LDLRAD3: variants seen among roughly 807,000 people sequenced by gnomAD.
LDLRAD3 encodes the protein low-density lipoprotein receptor class A domain-containing protein 3.
In LDLRAD3, 20 loss-of-function variants were observed where a neutral mutation model predicts 29.4. That is an observed-to-expected ratio of 0.68 (90% CI 0.48 to 0.99). The LOEUF (loss-of-function observed/expected upper bound fraction) is 0.99, where lower values mean the gene tolerates loss of function less well. Ranked by LOEUF, LDLRAD3 falls within the 50% of genes least tolerant of loss-of-function variation. The probability of loss-of-function intolerance (pLI) is 0.00; values close to 1 mark genes in which losing one functional copy is unlikely to be tolerated. For synonymous variants in LDLRAD3, 157 were observed against 192.7 expected (o/e 0.81, Z 1.53); for missense variants, 420 against 454.3 (o/e 0.92, Z 0.69).
At chr11:36,211,459 T>C (rs1192865573) in intron 4 of LDLRAD3, among the ~76,000 whole-genome samples, 1 of 152,106 alleles carries the variant, frequency 6.6e-6, no homozygotes, top group Non-Finnish European at 1.5e-5. Context: ...AGGTGCTGTG[T>C]GGAAAATGGA....
chr11:36,152,537 A>G (rs971085427), intron 4 of LDLRAD3, among the ~76,000 whole-genome samples: 6 of 152,122 alleles, frequency 3.9e-5, no homozygotes, highest in African/African-American at 1.4e-4. Flanking sequence ...CCGTGTCCCT[A>G]TTCACTCCCA....
chr11:36,187,478 A>G (rs2133362484), intron 4 of LDLRAD3, among the ~76,000 whole-genome samples: 1 of 152,332 alleles, frequency 6.6e-6, no homozygotes, highest in South Asian at 2.1e-4. Context: ...TACATAGAGC[A>G]CTGCCACCCC....
chr11:36,173,601 G>A (rs935379117), intron 4 of LDLRAD3, among the ~76,000 whole-genome samples: 1 of 151,972 alleles, frequency 6.6e-6, no homozygotes, highest in African/African-American at 2.4e-5. Flanking sequence ...GGACATTTGG[G>A]TTGGTTCCAA....
At chr11:36,159,232 G>T (rs530345348) in intron 4 of LDLRAD3, among the ~76,000 whole-genome samples, 13 of 152,242 alleles carry the variant, frequency 8.5e-5, no homozygotes, top group Middle Eastern at 3.4e-3. Context: ...CTTAGGACAC[G>T]AAGGCCGAAG....
intron 4 of LDLRAD3, among the ~76,000 whole-genome samples, chr11:36,200,176 T>TAAATTAA (rs1855106841): frequency 6.6e-6 from 1 of 151,906 alleles, no homozygotes; most frequent in African/African-American, 2.4e-5. Flanking sequence ...AAAAAAATAA[T>TAAATTAA]AAATTAAAAA....
intron 3 of LDLRAD3, among the ~76,000 whole-genome samples, chr11:36,089,866 C>T (rs900382859): frequency 6.6e-6 from 1 of 151,714 alleles, no homozygotes; most frequent in Non-Finnish European, 1.5e-5. Context: ...CCCACTTCAG[C>T]AACCTGAAGT....
intron 4 of LDLRAD3, among the ~76,000 whole-genome samples, chr11:36,172,071 T>C (rs1289799402): frequency 6.6e-6 from 1 of 152,182 alleles, no homozygotes; most frequent in Non-Finnish European, 1.5e-5. Flanking sequence ...TTTTTTTGTT[T>C]GTTTGTTTTG....
chr11:36,139,219 G>C (rs1325577667), intron 4 of LDLRAD3, among the ~76,000 whole-genome samples: 2 of 152,184 alleles, frequency 1.3e-5, no homozygotes, highest in Middle Eastern at 3.2e-3. Flanking sequence ...TGGTCCCTAA[G>C]TTGTGACAAC....
intron 2 of LDLRAD3, among the ~76,000 whole-genome samples, chr11:36,072,301 G>A (rs929805780): frequency 4.2e-4 from 64 of 152,314 alleles, no homozygotes; most frequent in Admixed American, 3.5e-3. Context: ...GAACAGAGAG[G>A]CTTCCACATT....
intron 4 of LDLRAD3, among the ~76,000 whole-genome samples, chr11:36,118,958 C>G (rs1036832058): frequency 1.3e-5 from 2 of 152,134 alleles, no homozygotes; most frequent in Non-Finnish European, 2.9e-5. Context: ...TCTTTTGTGA[C>G]TGACTTCTTT....
chr11:36,055,952 G>A (rs1852612545), intron 2 of LDLRAD3, among the ~76,000 whole-genome samples: 1 of 143,384 alleles, frequency 7.0e-6, no homozygotes. Context: ...CTCTAAGTGA[G>A]CATGTAGTGT....
At chr11:36,217,569 A>G (rs1855369240) in intron 4 of LDLRAD3, among the ~76,000 whole-genome samples, 1 of 152,190 alleles carries the variant, frequency 6.6e-6, no homozygotes, top group Non-Finnish European at 1.5e-5. Flanking sequence ...GGTCTACTTC[A>G]TAGGAGGGTG....
intron 4 of LDLRAD3, among the ~76,000 whole-genome samples, chr11:36,200,444 A>T (rs1207583045): frequency 6.6e-6 from 1 of 152,132 alleles, no homozygotes; most frequent in Non-Finnish European, 1.5e-5. Context: ...CCACCATCAC[A>T]CTGGGGGTTA....
At chr11:36,150,659 G>A (rs537723297) in intron 4 of LDLRAD3, among the ~76,000 whole-genome samples, 1 of 152,306 alleles carries the variant, frequency 6.6e-6, no homozygotes, top group South Asian at 2.1e-4. Flanking sequence ...GGAGGCTGAG[G>A]CAGGAGAATG....
At chr11:36,189,114 A>G (rs1026967218) in intron 4 of LDLRAD3, among the ~76,000 whole-genome samples, 2 of 152,202 alleles carry the variant, frequency 1.3e-5, no homozygotes, top group Admixed American at 1.3e-4. Flanking sequence ...AGAATTTGCA[A>G]CCATCACTGC....
At chr11:36,069,512 T>C (rs1852858545) in intron 2 of LDLRAD3, among the ~76,000 whole-genome samples, 1 of 152,246 alleles carries the variant, frequency 6.6e-6, no homozygotes. Context: ...TGATTCAAAT[T>C]ATGTGAATTT....
intron 1 of LDLRAD3, among the ~76,000 whole-genome samples, chr11:35,955,495 G>A (rs1163635227): frequency 6.6e-6 from 1 of 152,038 alleles, no homozygotes; most frequent in Non-Finnish European, 1.5e-5. Flanking sequence ...GCTCACTTTC[G>A]GACACGTAGT....
At chr11:36,061,086 A>G (rs1251394774) in intron 2 of LDLRAD3, among the ~76,000 whole-genome samples, 1 of 152,122 alleles carries the variant, frequency 6.6e-6, no homozygotes, top group African/African-American at 2.4e-5. Context: ...CACACAATAA[A>G]CATTTAGTAA....
At chr11:36,104,684 C>G (rs941626709) in intron 4 of LDLRAD3, among the ~76,000 whole-genome samples, 2 of 152,186 alleles carry the variant, frequency 1.3e-5, no homozygotes, top group Non-Finnish European at 2.9e-5. Flanking sequence ...GTGCTCTTAT[C>G]ACACCCCTTT....
Sources: gnomAD v4.1 joint callset for allele counts (sites outside exome capture counted in the v4.1 genomes callset) on GRCh38, gnomAD v4.1.1 for gene constraint, MANE v1.5 for transcripts, NCBI Gene and HGNC (gene_info 2026-07-23, HGNC 2026-07-21) for gene names.